The following WASHC5 variants were observed in gnomAD, a reference collection of about 807,000 sequenced individuals.
WASHC5 encodes WASH complex subunit 5, also known as WASH complex subunit strumpellin.
Under a neutral mutation model 150.4 loss-of-function variants are expected in WASHC5, and 101 were observed. The ratio of observed to expected loss-of-function variants is 0.67; its 90% CI spans 0.57 to 0.79. The LOEUF is 0.79. Among genes scored for constraint, WASHC5 ranks in the 30% least tolerant of loss-of-function variants. The pLI is 0.00. For synonymous variants in WASHC5, 467 were observed against 491.2 expected, an observed-to-expected ratio of 0.95 and a Z score of 0.65; for missense variants, 1,195 against 1,396.3, an observed-to-expected ratio of 0.86 and a Z score of 2.30.
chr8:125,088,488 TGA>T (rs1373930369), intron 1 of WASHC5, among the ~76,000 whole-genome samples: 5 of 151,666 alleles, frequency 3.3e-5, no homozygotes, highest in Non-Finnish European at 7.4e-5. Context: ...AGTGCACTTC[TGA>T]GATTAGATTT....
chr8:125,067,520 T>C (rs767939950), intron 10 of WASHC5, 72 bp downstream of exon 10: 25 of 1,292,328 alleles, frequency 1.9e-5, no homozygotes, highest in Non-Finnish European at 2.7e-5. Flanking sequence ...GCAATCCTAG[T>C]CTTTTTTTTA....
Position 125,044,539 on chromosome 8 carries a change from T to C in WASHC5, c.2664A>G (p.Leu888=). 1 of 1,613,966 alleles carries C rather than the reference T, an allele frequency of 6.2e-7. No homozygotes were observed. Among genetic ancestry groups the C allele is most frequent in the Non-Finnish European group, 8.5e-7 (1 of 1,179,808 alleles). The change falls in exon 21 of 29, where the codon TTA becomes TTG. Residue 888 remains leucine (L), a synonymous_variant. Transcript: ENST00000318410. ...GCATGAAAGTCAAAAGGCTCACCTG[T>C]AACTCTTTTACAATCATAAAGCACA... ...RLLCFMIVKE[L]QNFLSMFQKI... is the part of the protein sequence containing the mutation.
chr8:125,049,323 C>T (rs1816168103), intron 18 of WASHC5, 138 bp from the exon 19 acceptor site: 3 of 881,912 alleles, frequency 3.4e-6, no homozygotes. Context: ...CTTTGGGAGG[C>T]TTAGGCAGGA....
rs1359576672 is a variant in WASHC5, at chr8:125,091,740, G to A, written c.-250C>T. 5 of 152,346 alleles carry A rather than the reference G, an allele frequency of 3.3e-5. No individual in the cohort carries two copies. The highest frequency in any genetic ancestry group is 3.3e-4 in the Admixed American group (5 of 15,286). The allele number at this position is 152,346 out of a possible 1,614,324, so 9.4% of individuals were successfully genotyped here. ...TATCCGCAGTCCCGGACCTGGAGCG[G>A]GTCAGACCCCGACTTCCGCCCCTGA... On this transcript the variant is annotated 5_prime_UTR_variant, in exon 1 of 29. Transcript: ENST00000318410.
In WASHC5 at chr8:125,029,322, C is replaced by T. The variant is rs547103067; in HGVS notation, c.3336-615G>A. 1.2e-3 allele frequency among the ~76,000 whole-genome samples: 186 copies of T among 152,258 alleles called. 1 individual carries two copies. Among genetic ancestry groups the T allele is most frequent in the Admixed American group, 2.7e-3 (41 of 15,284 alleles). ...TGTTGGGATTACAGGCGTGAGCCAC[C>T]GCACCTGGCCTGCACACTGATTTGA... On this transcript the variant is annotated intron_variant, in intron 27 of 28. Coordinates refer to ENST00000318410, the MANE Select transcript of WASHC5 (RefSeq NM_014846.4).
In WASHC5 at chr8:125,076,652, T is replaced by C; in HGVS notation, c.712-152A>G. ...GACACTGGAAGCCCTTCTCAGACTGTACCATTGCTTGCCAAGGTCTTCCTT... is the reference window on the plus strand; with the variant it reads ...GACACTGGAAGCCCTTCTCAGACTGCACCATTGCTTGCCAAGGTCTTCCTT... On this transcript the variant is annotated intron_variant, in intron 6 of 28. Transcript: ENST00000318410. 7.6e-6 allele frequency: 6 copies of C among 785,722 alleles called. No individual in the cohort carries two copies. The South Asian group carries it at 9.2e-5, about 12-fold the overall frequency. The allele number at this position is 785,722 out of a possible 1,614,324, so 48.7% of individuals were successfully genotyped here.
chr8:125,039,928 G>A, intron 23 of WASHC5, 30 bp from the exon 24 acceptor site: 1 of 1,445,202 alleles, frequency 6.9e-7, no homozygotes, highest in South Asian at 1.2e-5. Flanking sequence ...AGAACAGGTA[G>A]TGCATTCAAG....
intron 26 of WASHC5, among the ~76,000 whole-genome samples, chr8:125,036,433 T>A (rs13251808): frequency 0.38 from 58,357 of 151,794 alleles, 13,269 homozygotes; most frequent in African/African-American, 0.63. Context: ...GCCCTTTAGT[T>A]GCCGAGGCAG....
At chr8:125,086,116 T>A (rs1817413770) in intron 1 of WASHC5, among the ~76,000 whole-genome samples, 1 of 152,178 alleles carries the variant, frequency 6.6e-6, no homozygotes, top group Admixed American at 6.5e-5. Flanking sequence ...TTGCATTTTA[T>A]TAGTTTGCTG....
intron 24 of WASHC5, 62 bp downstream of exon 24, chr8:125,039,733 G>C (rs1220350363): frequency 9.3e-7 from 1 of 1,077,644 alleles, no homozygotes; most frequent in Non-Finnish European, 1.4e-6. Context: ...TGAAGAAACT[G>C]GGGTGCGTAG....
chr8:125,030,182 G>A (rs1442957418), intron 27 of WASHC5, among the ~76,000 whole-genome samples: 2 of 152,140 alleles, frequency 1.3e-5, no homozygotes, highest in Non-Finnish European at 2.9e-5. Flanking sequence ...AGCTACAATT[G>A]GGACAGCCAG....
intron 15 of WASHC5, 94 bp from the exon 16 acceptor site, chr8:125,056,911 G>A (rs774516825): frequency 4.1e-4 from 603 of 1,460,092 alleles, no homozygotes; most frequent in Non-Finnish European, 5.3e-4. Context: ...CTATATAGGG[G>A]GATGCTGAAA....
At chr8:125,056,038 T>A (rs1224658446) in intron 16 of WASHC5, among the ~76,000 whole-genome samples, 1 of 152,174 alleles carries the variant, frequency 6.6e-6, no homozygotes, top group African/African-American at 2.4e-5. Context: ...GCAGCAGACA[T>A]TGATAAGGTA....
intron 26 of WASHC5, among the ~76,000 whole-genome samples, chr8:125,036,461 A>C (rs998324434): frequency 1.3e-5 from 2 of 152,146 alleles, no homozygotes; most frequent in African/African-American, 2.4e-5. Flanking sequence ...GCTTGAGCCT[A>C]GGAGTTTGAA....
Position 125,032,375 on chromosome 8 carries a change from C to T in WASHC5, c.3201G>A (p.Pro1067=), listed in dbSNP as rs754759068. 4.5e-5 allele frequency: 73 copies of T among 1,613,864 alleles called. No homozygotes were observed. The Admixed American group carries it at 5.2e-4, about 11-fold the overall frequency. Residue 1067 remains proline (P), a synonymous_variant, in exon 27 of 29, where the codon CCG becomes CCA. Coordinates refer to ENST00000318410, the MANE Select transcript of WASHC5 (RefSeq NM_014846.4). ...NKNLGMVCRK[P]TDPVDWPPLV... is the part of the protein sequence containing the mutation. ...GTGGTGGCCAATCAACCGGGTCGGT[C>T]GGTTTTCGGCAGACCATTCCTGCAA...
At chr8:125,059,182 T>C (rs368462837) in intron 14 of WASHC5, 40 bp downstream of exon 14, 71 of 1,479,546 alleles carry the variant, frequency 4.8e-5, no homozygotes, top group Non-Finnish European at 6.6e-5. Flanking sequence ...GAAGGCCAAC[T>C]CTTTCCTAGC....
chr8:125,075,793 T>C (rs999268825), intron 7 of WASHC5, among the ~76,000 whole-genome samples: 1 of 152,236 alleles, frequency 6.6e-6, no homozygotes, highest in Admixed American at 6.5e-5. Flanking sequence ...CTGCATTTTG[T>C]TAAAGCCTCT....
At chr8:125,025,833 G>GACACACACACACACACACACAC (rs34050035) in intron 28 of WASHC5, among the ~76,000 whole-genome samples, 3,432 of 148,052 alleles carry the variant, frequency 0.023, 89 homozygotes, top group African/African-American at 0.065. Flanking sequence ...TATGCAGACA[G>GACACACACACACACACACACAC]ACACACACAC....
chr8:125,032,505 G>T, intron 26 of WASHC5, 111 bp from the exon 27 acceptor site: 1 of 1,232,486 alleles, frequency 8.1e-7, no homozygotes, highest in Non-Finnish European at 1.2e-6. Flanking sequence ...CTCGCTGGCA[G>T]ATGATATTTT....
Sources: allele counts gnomAD v4.1 joint callset (sites outside exome capture counted in the v4.1 genomes callset), GRCh38; gene constraint gnomAD v4.1.1; transcripts MANE v1.5; gene names NCBI Gene and HGNC (gene_info 2026-07-23, HGNC 2026-07-21).